Variants in FCRL2 observed in about 807,000 individuals in gnomAD.
FCRL2 encodes the protein Fc receptor like 2.
Under a neutral mutation model 59.8 loss-of-function variants are expected in FCRL2, and 48 were observed. The ratio of observed to expected loss-of-function variants is 0.80; its 90% CI spans 0.64 to 1.02. The LOEUF (loss-of-function observed/expected upper bound fraction) is 1.02. Among genes scored for constraint, FCRL2 ranks in the 50% least tolerant of loss-of-function variants. FCRL2 has a pLI of 0.00. For missense variants in FCRL2, 658 were observed against 597.3 expected, an observed-to-expected ratio of 1.10 and a Z score of -1.06; for synonymous variants, 251 against 229.5, an observed-to-expected ratio of 1.09 and a Z score of -0.85.
At chr1:157,749,066 C>T (rs757985189) in intron 8 of FCRL2, 106 bp from the exon 9 acceptor site, 25 of 923,156 alleles carry the variant, frequency 2.7e-5, no homozygotes, top group Non-Finnish European at 3.9e-5. Context: ...AGCCATGGCT[C>T]TCTGCTTGGG....
At chr1:157,754,109 G>T (rs551639258) in intron 7 of FCRL2, among the ~76,000 whole-genome samples, 17 of 152,212 alleles carry the variant, frequency 1.1e-4, no homozygotes, top group African/African-American at 3.9e-4. Flanking sequence ...ACTCCATCTT[G>T]AACAGGAGTT....
intron 8 of FCRL2, 90 bp downstream of exon 8, chr1:157,749,560 G>T: frequency 1.2e-6 from 1 of 866,760 alleles, no homozygotes; most frequent in Non-Finnish European, 1.9e-6. Flanking sequence ...CATAGCTTCA[G>T]TCTCAACGTA....
intron 2 of FCRL2, among the ~76,000 whole-genome samples, chr1:157,774,108 A>T (rs1181604466): frequency 6.6e-6 from 1 of 152,270 alleles, no homozygotes; most frequent in East Asian, 1.9e-4. Context: ...AACTAAAAGC[A>T]AATGGTATTC....
chr1:157,768,346 C>G, intron 5 of FCRL2, 68 bp downstream of exon 5: 15 of 1,523,262 alleles, frequency 9.8e-6, no homozygotes, highest in Non-Finnish European at 1.2e-5. Flanking sequence ...GAAATTTCCT[C>G]AGGACACATG....
chr1:157,770,411 T>C lies in FCRL2; in HGVS notation c.308A>G (p.Gln103Arg). Residue 103 changes from glutamine to arginine, a missense_variant and splice_region_variant, in exon 3 of 12, where the codon CAA becomes CGA. Coordinates refer to ENST00000361516, the MANE Select transcript of FCRL2 (RefSeq NM_030764.4). The part of the protein sequence containing the change: ...KTSNIVKIKV[Q>R]ELFQRPVLTA... ...TCCCACAGAAGTCAGGGTTTTACCTTGGACTTTTATCTTTACTATATTTGA... is the reference window on the plus strand; with the variant it reads ...TCCCACAGAAGTCAGGGTTTTACCTCGGACTTTTATCTTTACTATATTTGA... 1 of 1,612,912 alleles carries C rather than the reference T, an allele frequency of 6.2e-7. No individual in the cohort carries two copies. Among genetic ancestry groups the C allele is most frequent in the African/African-American group, 1.3e-5 (1 of 74,846 alleles).
chr1:157,766,948 G>A lies in FCRL2; in HGVS notation c.1186C>T (p.Leu396Phe). ...CCCCAGAGAACTCCAGCTGTCATGA[G>A]GTCTCTTCTATAGCCATCAGGTCCT... The part of the protein sequence containing the change: ...ISGPDGYRRD[L>F]MTAGVLWGLF... The change falls in exon 7 of 12, where the codon CTC (leucine) becomes TTC (phenylalanine). Residue 396 changes from leucine to phenylalanine, a missense_variant. Coordinates refer to ENST00000361516, the MANE Select transcript of FCRL2 (RefSeq NM_030764.4). 3 of 1,614,098 alleles carry A rather than the reference G, an allele frequency of 1.9e-6. No individual in the cohort carries two copies. The highest frequency in any genetic ancestry group is 2.5e-6 in the Non-Finnish European group (3 of 1,179,988).
intron 7 of FCRL2, among the ~76,000 whole-genome samples, chr1:157,753,613 GT>G (rs1648363402): frequency 6.6e-6 from 1 of 152,218 alleles, no homozygotes; most frequent in Non-Finnish European, 1.5e-5. Flanking sequence ...AAATCCCATT[GT>G]TTAGGATTTT....
At chr1:157,754,802 TAA>T in intron 7 of FCRL2, among the ~76,000 whole-genome samples, 1 of 151,796 alleles carries the variant, frequency 6.6e-6, no homozygotes, top group African/African-American at 2.4e-5. Context: ...CCCATCTCTA[TAA>T]AAAATACAAA....
chr1:157,775,323 A>G (rs913897602), intron 2 of FCRL2, among the ~76,000 whole-genome samples: 1 of 152,224 alleles, frequency 6.6e-6, no homozygotes, highest in Non-Finnish European at 1.5e-5. Flanking sequence ...TTCCTGAGCT[A>G]GAGCTAGAGA....
Position 157,777,082 on chromosome 1 carries a change from A to T in FCRL2, c.-9T>A. On this transcript the variant is annotated 5_prime_UTR_variant, in exon 1 of 12. Coordinates refer to ENST00000361516, the MANE Select transcript of FCRL2 (RefSeq NM_030764.4). ...AATGACCACAGCAGCATGAGGACCT[A>T]ATCCAGCTATTTGAAAAGAGATGTA... 1 of 1,614,182 alleles carries T rather than the reference A, an allele frequency of 6.2e-7. No homozygotes were observed. Among genetic ancestry groups the T allele is most frequent in the South Asian group, 1.1e-5 (1 of 91,084 alleles).
chr1:157,763,576 G>T (rs1169107541), intron 7 of FCRL2, among the ~76,000 whole-genome samples: 1 of 152,044 alleles, frequency 6.6e-6, no homozygotes, highest in African/African-American at 2.4e-5. Context: ...CGCTGAATGG[G>T]TATTAAAAAT....
chr1:157,766,942 T>A lies in FCRL2; in HGVS notation c.1192A>T (p.Thr398Ser). 1 of 1,614,122 alleles carries A rather than the reference T, an allele frequency of 6.2e-7. No homozygotes were observed. The highest frequency in any genetic ancestry group is 1.1e-5 in the South Asian group (1 of 91,062). ...GPDGYRRDLM[T>S]AGVLWGLFGV... ...AACAGTCCCCAGAGAACTCCAGCTG[T>A]CATGAGGTCTCTTCTATAGCCATCA... The change falls in exon 7 of 12, where the codon ACA becomes TCA. Residue 398 changes from threonine to serine, a missense_variant. Physicochemically the swap from Thr to Ser is moderately conservative, Grantham distance 58. Transcript: ENST00000361516.
chr1:157,768,776 T>TTTTGCATTAGAG, intron 4 of FCRL2, 75 bp from the exon 5 acceptor site: 2 of 1,375,918 alleles, frequency 1.5e-6, no homozygotes, highest in Non-Finnish European at 2.0e-6. Flanking sequence ...TTCCATTCTC[T>TTTTGCATTAGAG]AATGCAAAAT....
chr1:157,760,772 A>G, intron 7 of FCRL2, among the ~76,000 whole-genome samples: 2 of 146,342 alleles, frequency 1.4e-5, no homozygotes, highest in African/African-American at 2.8e-5. Flanking sequence ...GAATGAAAAA[A>G]GAAAGGAAGG....
intron 10 of FCRL2, among the ~76,000 whole-genome samples, chr1:157,747,719 G>A (rs1647856887): frequency 6.6e-6 from 1 of 152,188 alleles, no homozygotes. Context: ...TAAGGGCACT[G>A]GAGCAGAAGC....
rs771961439 is a variant in FCRL2 at position 157,770,436 on chromosome 1, A to G, written c.283T>C (p.Ser95Pro). 4.3e-6 allele frequency: 7 copies of G among 1,613,670 alleles called. No homozygotes were observed. The highest frequency in any genetic ancestry group is 5.9e-6 in the Non-Finnish European group (7 of 1,179,912). Residue 95 changes from serine to proline, a missense_variant, in exon 3 of 12, where the codon TCA becomes CCA. By Grantham distance (74) the Ser-to-Pro change is moderately conservative. Transcript: ENST00000361516. Reference protein sequence around the residue: ...KGQLFLWDKTSNIVKIKVQEL... With the variant: ...KGQLFLWDKTPNIVKIKVQEL... ...TGGACTTTTATCTTTACTATATTTG[A>G]AGTTTTATCCCAGAGAAAGAGTTGT...
chr1:157,767,642 G>C, intron 5 of FCRL2, 133 bp from the exon 6 acceptor site: 1 of 1,610,244 alleles, frequency 6.2e-7, no homozygotes, highest in East Asian at 2.2e-5. Context: ...ATTCCCACTA[G>C]AACAGTTAGA....
At chr1:157,761,563 C>T (rs565605966) in intron 7 of FCRL2, among the ~76,000 whole-genome samples, 49 of 152,242 alleles carry the variant, frequency 3.2e-4, no homozygotes, top group African/African-American at 1.0e-3. Flanking sequence ...GAGCCAAGAT[C>T]GTGTCACTGC....
intron 7 of FCRL2, among the ~76,000 whole-genome samples, chr1:157,760,970 A>G (rs943768091): frequency 1.3e-5 from 2 of 152,236 alleles, no homozygotes; most frequent in Non-Finnish European, 2.9e-5. Flanking sequence ...AGTAAAAAAT[A>G]AAATAAAATA....
Sources: gnomAD v4.1 joint callset for allele counts (sites outside exome capture counted in the v4.1 genomes callset) on GRCh38, gnomAD v4.1.1 for gene constraint, MANE v1.5 for transcripts, NCBI Gene and HGNC (gene_info 2026-07-23, HGNC 2026-07-21) for gene names.